The following CCSER1 variants were observed in gnomAD, a reference collection of about 807,000 sequenced individuals.
CCSER1 encodes coiled-coil serine rich protein 1, also known as serine-rich coiled-coil domain-containing protein 1.
Under a neutral mutation model 82.0 loss-of-function variants are expected in CCSER1, and 41 were observed. The ratio of observed to expected loss-of-function variants is 0.50; its 90% confidence interval spans 0.39 to 0.65. CCSER1 has a LOEUF of 0.65. Among genes scored for constraint, CCSER1 ranks in the 30% least tolerant of loss-of-function variants. The probability of loss-of-function intolerance (pLI) is 0.00; values close to 1 mark genes in which losing one functional copy is unlikely to be tolerated. For synonymous variants in CCSER1, 414 were observed against 383.9 expected (o/e 1.08, Z -0.92); for missense variants, 1,119 against 1,064.2 (o/e 1.05, Z -0.72).
chr4:90,387,708 C>G (rs1471220336), intron 3 of CCSER1, among the ~76,000 whole-genome samples: 2 of 152,116 alleles, frequency 1.3e-5, no homozygotes, highest in African/African-American at 4.8e-5. Flanking sequence ...GGCAAGCTTC[C>G]CTTTTTGGCA....
chr4:90,275,727 T>G (rs1035115922), intron 1 of CCSER1, among the ~76,000 whole-genome samples: 6 of 152,188 alleles, frequency 3.9e-5, no homozygotes, highest in Admixed American at 1.3e-4. Flanking sequence ...AGATAAAATA[T>G]CTGGGGAATA....
chr4:91,047,596 C>T (rs1251038477), intron 9 of CCSER1, among the ~76,000 whole-genome samples: 1 of 152,132 alleles, frequency 6.6e-6, no homozygotes, highest in Non-Finnish European at 1.5e-5. Flanking sequence ...GTATGTGATT[C>T]TACTGCTGCT....
At chr4:90,211,794 C>A (rs1442869125) in intron 1 of CCSER1, among the ~76,000 whole-genome samples, 2 of 152,188 alleles carry the variant, frequency 1.3e-5, no homozygotes, top group Non-Finnish European at 2.9e-5. Flanking sequence ...AGAAGATAAT[C>A]AAGGAAGTCA....
At chr4:91,235,160 C>T (rs1682142649) in intron 10 of CCSER1, among the ~76,000 whole-genome samples, 1 of 151,998 alleles carries the variant, frequency 6.6e-6, no homozygotes, top group African/African-American at 2.4e-5. Context: ...CCTCTTTTGT[C>T]TGAGATATTG....
chr4:90,154,536 G>T (rs1453642741), intron 1 of CCSER1, among the ~76,000 whole-genome samples: 1 of 150,002 alleles, frequency 6.7e-6, no homozygotes, highest in Non-Finnish European at 1.5e-5. Context: ...CCATTTGTTT[G>T]TATCCTCTTT....
intron 10 of CCSER1, among the ~76,000 whole-genome samples, chr4:91,152,931 A>G (rs1467857881): frequency 6.6e-6 from 1 of 151,774 alleles, no homozygotes; most frequent in Non-Finnish European, 1.5e-5. Context: ...TTTCTCTCTC[A>G]TTGCCCTCAA....
At chr4:91,098,777 G>A (rs1219912947) in intron 10 of CCSER1, among the ~76,000 whole-genome samples, 5 of 152,214 alleles carry the variant, frequency 3.3e-5, no homozygotes, top group East Asian at 1.9e-4. Flanking sequence ...TCCTGATGTC[G>A]TGATCTGCCC....
intron 10 of CCSER1, among the ~76,000 whole-genome samples, chr4:91,304,146 A>C (rs1744873065): frequency 6.6e-6 from 1 of 152,036 alleles, no homozygotes; most frequent in Non-Finnish European, 1.5e-5. Flanking sequence ...CATATTTCAA[A>C]ATCCTTAATG....
intron 8 of CCSER1, among the ~76,000 whole-genome samples, chr4:90,878,740 T>C (rs1327284303): frequency 6.6e-6 from 1 of 152,202 alleles, no homozygotes; most frequent in East Asian, 1.9e-4. Flanking sequence ...ATGTTCTGTG[T>C]CTGAATCTCA....
chr4:90,689,197 A>G (rs1472633247), intron 6 of CCSER1, among the ~76,000 whole-genome samples: 1 of 152,122 alleles, frequency 6.6e-6, no homozygotes, highest in Admixed American at 6.6e-5. Context: ...TTAGTATTCA[A>G]ATCAATGCAG....
At chr4:90,244,130 T>C (rs952416769) in intron 1 of CCSER1, among the ~76,000 whole-genome samples, 2 of 152,212 alleles carry the variant, frequency 1.3e-5, no homozygotes, top group Admixed American at 6.5e-5. Context: ...TGTATTATTT[T>C]CTCTTAATGA....
At chr4:90,158,941 G>A (rs1449180160) in intron 1 of CCSER1, among the ~76,000 whole-genome samples, 1 of 152,094 alleles carries the variant, frequency 6.6e-6, no homozygotes, top group Non-Finnish European at 1.5e-5. Flanking sequence ...ACCTCAGATG[G>A]AAATGCAGAA....
intron 4 of CCSER1, among the ~76,000 whole-genome samples, chr4:90,426,642 G>C (rs1578413429): frequency 6.6e-6 from 1 of 151,926 alleles, no homozygotes; most frequent in Non-Finnish European, 1.5e-5. Flanking sequence ...TTCTTTGTCT[G>C]TTTTTTCTTA....
chr4:91,237,596 AT>A (rs1157876303), intron 10 of CCSER1, among the ~76,000 whole-genome samples: 24 of 152,228 alleles, frequency 1.6e-4, no homozygotes, highest in African/African-American at 5.5e-4. Context: ...CACTTAACTC[AT>A]TCGTCTCTAT....
At chr4:90,369,414 T>C (rs1485361450) in intron 3 of CCSER1, among the ~76,000 whole-genome samples, 1 of 146,526 alleles carries the variant, frequency 6.8e-6, no homozygotes, top group Non-Finnish European at 1.5e-5. Flanking sequence ...AAAAAGAACA[T>C]GTAAGTGGGA....
chr4:90,735,227 G>T (rs1745448908), intron 7 of CCSER1, among the ~76,000 whole-genome samples: 1 of 152,134 alleles, frequency 6.6e-6, no homozygotes, highest in South Asian at 2.1e-4. Flanking sequence ...CAGTTTGCTA[G>T]TGTGTTGTTG....
chr4:90,733,092 G>A (rs933307497), intron 7 of CCSER1, among the ~76,000 whole-genome samples: 2 of 152,160 alleles, frequency 1.3e-5, no homozygotes, highest in Non-Finnish European at 2.9e-5. Context: ...TTTTAGTTTC[G>A]TGAGGAACCT....
At chr4:90,274,773 A>G (rs1271584897) in intron 1 of CCSER1, among the ~76,000 whole-genome samples, 1 of 152,190 alleles carries the variant, frequency 6.6e-6, no homozygotes, top group Non-Finnish European at 1.5e-5. Flanking sequence ...TATGCTTTAT[A>G]TTATATCACA....
intron 9 of CCSER1, among the ~76,000 whole-genome samples, chr4:91,082,468 C>A (rs1259404803): frequency 6.6e-6 from 1 of 152,134 alleles, no homozygotes; most frequent in Admixed American, 6.5e-5. Context: ...TAGAAGAAAA[C>A]CTAGGCAATA....
Sources: gnomAD v4.1 joint callset for allele counts (sites outside exome capture counted in the v4.1 genomes callset) on GRCh38, gnomAD v4.1.1 for gene constraint, MANE v1.5 for transcripts, NCBI Gene and HGNC (gene_info 2026-07-23, HGNC 2026-07-21) for gene names.